Variants in LDLRAD4 observed in about 807,000 individuals in gnomAD.
LDLRAD4 encodes low density lipoprotein receptor class A domain containing 4.
In LDLRAD4, 5 loss-of-function variants were observed where a neutral mutation model predicts 17.0. The ratio of observed to expected loss-of-function variants is 0.29; its 90% CI spans 0.15 to 0.62. The LOEUF (loss-of-function observed/expected upper bound fraction) is 0.62. Among genes scored for constraint, LDLRAD4 ranks in the 20% least tolerant of loss-of-function variants. The pLI is 0.84. For synonymous variants in LDLRAD4, 168 were observed against 171.8 expected (o/e 0.98, Z 0.17); for missense variants, 340 against 424.7 (o/e 0.80, Z 1.75).
intron 1 of LDLRAD4, among the ~76,000 whole-genome samples, chr18:13,226,741 A>G (rs1371803019): frequency 6.6e-6 from 1 of 151,646 alleles, no homozygotes; most frequent in African/African-American, 2.4e-5. Context: ...AATAAAATAA[A>G]ATAAAATAAA....
At chr18:13,479,561 C>G (rs1283014981) in intron 3 of LDLRAD4, among the ~76,000 whole-genome samples, 1 of 152,028 alleles carries the variant, frequency 6.6e-6, no homozygotes, top group Non-Finnish European at 1.5e-5. Context: ...GCGGAGGCTG[C>G]AGCAAGCTGA....
At chr18:13,338,208 A>G (rs1224961728) in intron 1 of LDLRAD4, among the ~76,000 whole-genome samples, 4 of 152,098 alleles carry the variant, frequency 2.6e-5, no homozygotes, top group African/African-American at 4.8e-5. Flanking sequence ...GCTTCATATC[A>G]TCCACCATGT....
At chr18:13,230,694 G>A (rs1161673194) in intron 1 of LDLRAD4, among the ~76,000 whole-genome samples, 1 of 152,132 alleles carries the variant, frequency 6.6e-6, no homozygotes, top group African/African-American at 2.4e-5. Flanking sequence ...GTCTGCGAGT[G>A]TCATGGGTAG....
chr18:13,533,479 AT>A (rs1437518337), intron 3 of LDLRAD4, among the ~76,000 whole-genome samples: 1 of 152,294 alleles, frequency 6.6e-6, no homozygotes, highest in African/African-American at 2.4e-5. Context: ...TATGATCCCA[AT>A]TTTTTTCATA....
At chr18:13,418,535 A>G (rs2089149672) in intron 2 of LDLRAD4, among the ~76,000 whole-genome samples, 1 of 152,122 alleles carries the variant, frequency 6.6e-6, no homozygotes, top group Admixed American at 6.5e-5. Context: ...CTGGGTCTTT[A>G]TTCCATTGCA....
intron 1 of LDLRAD4, among the ~76,000 whole-genome samples, chr18:13,260,714 A>AT (rs796302962): frequency 1.1e-4 from 17 of 152,068 alleles, no homozygotes; most frequent in East Asian, 5.8e-4. Context: ...CTGTCCTTGT[A>AT]TTTTTTTATC....
intron 1 of LDLRAD4, among the ~76,000 whole-genome samples, chr18:13,329,961 A>ATTT (rs1329794025): frequency 7.2e-6 from 1 of 138,090 alleles, no homozygotes. Context: ...ACTCCCTCCA[A>ATTT]TTTTTTTTTT....
At chr18:13,604,900 C>T (rs2095205522) in intron 3 of LDLRAD4, among the ~76,000 whole-genome samples, 1 of 152,110 alleles carries the variant, frequency 6.6e-6, no homozygotes, top group South Asian at 2.1e-4. Context: ...CAGCAGCCAC[C>T]AGGCAGGCAG....
chr18:13,438,668 A>G (rs1204090828), intron 3 of LDLRAD4, among the ~76,000 whole-genome samples: 2 of 152,268 alleles, frequency 1.3e-5, no homozygotes, highest in African/African-American at 4.8e-5. Context: ...TTGATTTAGT[A>G]TTCTTCATAC....
intron 3 of LDLRAD4, among the ~76,000 whole-genome samples, chr18:13,578,662 T>C (rs1288791334): frequency 6.6e-6 from 1 of 152,126 alleles, no homozygotes; most frequent in Non-Finnish European, 1.5e-5. Context: ...TGCACACAGC[T>C]GAATAAGATG....
At chr18:13,266,886 C>T (rs1338270327) in intron 1 of LDLRAD4, among the ~76,000 whole-genome samples, 1 of 152,192 alleles carries the variant, frequency 6.6e-6, no homozygotes. Context: ...AAGAGTAATA[C>T]TAAGAGTTAC....
At chr18:13,466,911 C>A (rs939999590) in intron 3 of LDLRAD4, among the ~76,000 whole-genome samples, 10 of 152,182 alleles carry the variant, frequency 6.6e-5, no homozygotes, top group African/African-American at 2.4e-4. Flanking sequence ...AGGGCTCCGC[C>A]CTCATGACCT....
chr18:13,623,283 G>C (rs2040823171), intron 4 of LDLRAD4, among the ~76,000 whole-genome samples: 1 of 152,244 alleles, frequency 6.6e-6, no homozygotes, highest in East Asian at 1.9e-4. Context: ...GGTCCCTTCA[G>C]GGCTGCACAC....
chr18:13,532,144 G>A (rs930722085), intron 3 of LDLRAD4, among the ~76,000 whole-genome samples: 2 of 152,208 alleles, frequency 1.3e-5, no homozygotes, highest in African/African-American at 4.8e-5. Context: ...GAGCTGCAGA[G>A]GCAGCTGCCG....
rs1200765487 is a variant in LDLRAD4, at chr18:13,224,510, C to T, written c.-467+5522C>T. ...TTTTTTTTTTTTTGAGACGGAGTCT[C>T]GCTCTGTCGCCCAGGCTGGAGTTCA... is the stretch of plus-strand genomic sequence containing the variant. On this transcript the variant is annotated intron_variant, in intron 1 of 5. Transcript: ENST00000399848. Among the ~76,000 whole-genome samples, 8 of 118,104 alleles carry T rather than the reference C, an allele frequency of 6.8e-5. 1 individual carries two copies. Among genetic ancestry groups the T allele is most frequent in the East Asian group, 5.5e-4 (2 of 3,654 alleles). The allele number at this position is 118,104 out of a possible 152,430, so 77.5% of individuals were successfully genotyped here.
chr18:13,234,706 G>A (rs558929282), intron 1 of LDLRAD4, among the ~76,000 whole-genome samples: 2 of 152,286 alleles, frequency 1.3e-5, no homozygotes, highest in Admixed American at 1.3e-4. Context: ...TGAGAGAGAT[G>A]AGCCGGGGAG....
intron 1 of LDLRAD4, among the ~76,000 whole-genome samples, 171 bp from the exon 3 acceptor site, chr18:13,387,170 T>C (rs907337531): frequency 2.0e-5 from 3 of 152,318 alleles, no homozygotes; most frequent in African/African-American, 7.2e-5. Flanking sequence ...AGCATAGCTG[T>C]GGCCTTGGGG....
At chr18:13,225,472 G>T (rs992047283) in intron 1 of LDLRAD4, among the ~76,000 whole-genome samples, 1 of 152,218 alleles carries the variant, frequency 6.6e-6, no homozygotes, top group Non-Finnish European at 1.5e-5. Context: ...CCCGGCATGG[G>T]GCTGATTAAG....
chr18:13,251,741 A>G (rs1436372306), intron 1 of LDLRAD4, among the ~76,000 whole-genome samples: 2 of 152,250 alleles, frequency 1.3e-5, no homozygotes, highest in Admixed American at 6.5e-5. Flanking sequence ...ACAAATGGAA[A>G]GTACTTGGAA....
Sources: gnomAD v4.1 joint callset for allele counts (sites outside exome capture counted in the v4.1 genomes callset) on GRCh38, gnomAD v4.1.1 for gene constraint, MANE v1.5 for transcripts, NCBI Gene and HGNC (gene_info 2026-07-23, HGNC 2026-07-21) for gene names.